NTNG1: variants seen among roughly 807,000 people sequenced by gnomAD.
NTNG1 encodes the protein netrin G1, also known as netrin-G1.
NTNG1 carries 16 observed loss-of-function variants against 54.0 expected under a neutral mutation model. That is an observed-to-expected ratio of 0.30 (90% CI 0.20 to 0.45). The LOEUF is 0.45. NTNG1 is among the 20% of genes least tolerant of loss of function. The probability of loss-of-function intolerance (pLI) is 1.00; values close to 1 mark genes in which losing one functional copy is unlikely to be tolerated. For synonymous variants in NTNG1, 255 were observed against 263.1 expected, an observed-to-expected ratio of 0.97 and a Z score of 0.30; for missense variants, 530 against 678.7, an observed-to-expected ratio of 0.78 and a Z score of 2.43.
chr1:107,156,212 A>G (rs148691544), intron 2 of NTNG1, among the ~76,000 whole-genome samples: 2 of 152,236 alleles, frequency 1.3e-5, no homozygotes, highest in Non-Finnish European at 2.9e-5. Context: ...TTAAGAGACA[A>G]CTAGCAAAAT....
chr1:107,157,070 C>T (rs1240845797), intron 2 of NTNG1, among the ~76,000 whole-genome samples: 2 of 152,198 alleles, frequency 1.3e-5, no homozygotes, highest in Admixed American at 6.5e-5. Context: ...AGAGCTTACA[C>T]TTTCTATGTG....
intron 2 of NTNG1, among the ~76,000 whole-genome samples, chr1:107,323,625 A>C (rs1427397101): frequency 1.3e-5 from 2 of 152,030 alleles, no homozygotes; most frequent in Non-Finnish European, 2.9e-5. Flanking sequence ...CAATCCTTTT[A>C]TCTCTACCTA....
At chr1:107,208,744 G>A (rs143828480) in intron 2 of NTNG1, among the ~76,000 whole-genome samples, 1 of 152,096 alleles carries the variant, frequency 6.6e-6, no homozygotes, top group Non-Finnish European at 1.5e-5. Context: ...CTTAGCTGGA[G>A]TCCCTCCCAG....
intron 5 of NTNG1, among the ~76,000 whole-genome samples, chr1:107,411,692 A>G (rs554722706): frequency 2.0e-5 from 3 of 152,162 alleles, no homozygotes; most frequent in African/African-American, 7.2e-5. Flanking sequence ...GGAAAAAATT[A>G]TCAGGCTAGT....
chr1:107,231,420 T>G (rs1661061603), intron 2 of NTNG1, among the ~76,000 whole-genome samples: 2 of 152,180 alleles, frequency 1.3e-5, no homozygotes, highest in African/African-American at 4.8e-5. Context: ...TAAATGGTGG[T>G]TAATTCAGAT....
At chr1:107,254,832 T>A (rs1209446195) in intron 2 of NTNG1, among the ~76,000 whole-genome samples, 3 of 152,230 alleles carry the variant, frequency 2.0e-5, no homozygotes. Flanking sequence ...TACCTATCTG[T>A]GACTTTGAAT....
At chr1:107,215,909 T>C (rs1659923458) in intron 2 of NTNG1, among the ~76,000 whole-genome samples, 1 of 152,124 alleles carries the variant, frequency 6.6e-6, no homozygotes, top group African/African-American at 2.4e-5. Flanking sequence ...CTTGCAGCTA[T>C]TGTAAAAGGG....
chr1:107,382,924 C>T (rs1671736913), intron 3 of NTNG1, among the ~76,000 whole-genome samples: 1 of 151,786 alleles, frequency 6.6e-6, no homozygotes, highest in Non-Finnish European at 1.5e-5. Flanking sequence ...TTTTATTTCT[C>T]AGAAAAGGGA....
At position 107,321,650 on chromosome 1, in the gene NTNG1, T is replaced by C. The variant is rs116641521; in HGVS notation, c.247-2632T>C. ...GAGACTCCGTGGTCACATAAACCTA[T>C]GTAACTAGGTATTATGTGAAGCTAA... On this transcript the variant is annotated intron_variant, in intron 2 of 7. Coordinates refer to ENST00000370068, the MANE Select transcript of NTNG1 (RefSeq NM_001113226.3). Among the ~76,000 whole-genome samples the C allele has an allele frequency of 3.6e-3, 550 of 152,220 alleles. 3 individuals are homozygous for C. Among genetic ancestry groups the C allele is most frequent in the Middle Eastern group, 3.4e-3 (1 of 294 alleles).
At chr1:107,300,066 G>A (rs1002153440) in intron 2 of NTNG1, among the ~76,000 whole-genome samples, 2 of 152,124 alleles carry the variant, frequency 1.3e-5, no homozygotes, top group Non-Finnish European at 2.9e-5. Context: ...GAAACTTGTG[G>A]CCATTTCCAG....
At chr1:107,255,036 T>C (rs78886697) in intron 2 of NTNG1, among the ~76,000 whole-genome samples, 1,909 of 152,312 alleles carry the variant, frequency 0.013, 36 homozygotes, top group African/African-American at 0.043. Context: ...AATACTTAGA[T>C]GTAGGGCACT....
At chr1:107,404,028 G>T (rs2587899) in intron 4 of NTNG1, among the ~76,000 whole-genome samples, 145,500 of 150,888 alleles carry the variant, frequency 0.96, 70,367 homozygotes, top group East Asian at 1. Context: ...CAGAGATGGA[G>T]TTAAGCTAAT....
chr1:107,420,963 A>G (rs1674535105), intron 5 of NTNG1: 3 of 692,936 alleles, frequency 4.3e-6, no homozygotes, highest in African/African-American at 3.6e-5. Flanking sequence ...CCTAGAAACA[A>G]CAGATACAAA....
intron 3 of NTNG1, among the ~76,000 whole-genome samples, chr1:107,366,106 G>A (rs1670578637): frequency 6.6e-6 from 1 of 152,186 alleles, no homozygotes; most frequent in African/African-American, 2.4e-5. Context: ...TAGTGTGTGT[G>A]TGTGGTGGGG....
At chr1:107,184,503 C>T (rs972911246) in intron 2 of NTNG1, among the ~76,000 whole-genome samples, 72 of 152,080 alleles carry the variant, frequency 4.7e-4, no homozygotes, top group African/African-American at 1.7e-3. Flanking sequence ...GCCCAGAGAC[C>T]TCACCCCCTT....
intron 3 of NTNG1, among the ~76,000 whole-genome samples, chr1:107,371,752 G>A (rs1221141945): frequency 6.6e-6 from 1 of 152,018 alleles, no homozygotes; most frequent in African/African-American, 2.4e-5. Flanking sequence ...CTAAATCATT[G>A]TCTGATGCAA....
intron 2 of NTNG1, among the ~76,000 whole-genome samples, chr1:107,202,192 A>T (rs1159926420): frequency 6.6e-6 from 1 of 151,818 alleles, no homozygotes; most frequent in African/African-American, 2.4e-5. Flanking sequence ...ATCCAATCTG[A>T]TAGAATTTAA....
At position 107,431,044 on chromosome 1, in the gene NTNG1, T is replaced by C. The variant is rs1570946419; in HGVS notation, c.1255+127T>C. On this transcript the variant is annotated intron_variant, in intron 6 of 7. Coordinates refer to ENST00000370068, the MANE Select transcript of NTNG1 (RefSeq NM_001113226.3). The stretch of plus-strand genomic sequence containing the variant: ...ATGAACTTTCTCAATGTAGAAAATA[T>C]CCTATGGTAGATTTCACTTGTGATT... The C allele has an allele frequency of 5.1e-6, 4 of 778,634 alleles. No individual in the cohort carries two copies. The East Asian group carries it at 1.1e-4, about 21-fold the overall frequency. 48.2% of individuals were successfully genotyped at this position (778,634 alleles called of 1,614,324 possible). A position where few individuals can be genotyped will look rare whatever the true frequency, so the allele number is the denominator to read the frequency against.
chr1:107,227,285 A>G (rs1660750893), intron 2 of NTNG1, among the ~76,000 whole-genome samples: 2 of 152,142 alleles, frequency 1.3e-5, no homozygotes. Flanking sequence ...GAGTCCTCAA[A>G]TCTAACTGGC....
Sources: allele counts gnomAD v4.1 joint callset (sites outside exome capture counted in the v4.1 genomes callset), GRCh38; gene constraint gnomAD v4.1.1; transcripts MANE v1.5; gene names NCBI Gene and HGNC (gene_info 2026-07-23, HGNC 2026-07-21).